FAR2: variants seen among roughly 807,000 people sequenced by gnomAD.
FAR2 encodes the protein fatty acyl-CoA reductase 2.
In FAR2, 19 loss-of-function variants were observed where a neutral mutation model predicts 56.0. The ratio of observed to expected loss-of-function variants is 0.34; its 90% CI spans 0.24 to 0.50. The LOEUF (loss-of-function observed/expected upper bound fraction) is 0.50. FAR2 is among the 20% of genes least tolerant of loss of function. FAR2 has a pLI of 0.98. For missense variants in FAR2, 508 were observed against 642.2 expected, an observed-to-expected ratio of 0.79 and a Z score of 2.26; for synonymous variants, 219 against 218.8, an observed-to-expected ratio of 1.00 and a Z score of -0.01.
chr12:29,224,455 C>T (rs975789496), intron 1 of FAR2, among the ~76,000 whole-genome samples: 1 of 152,182 alleles, frequency 6.6e-6, no homozygotes, highest in Non-Finnish European at 1.5e-5. Flanking sequence ...ACTTTAATTG[C>T]ATTTGATCAT....
chr12:29,296,864 A>G (rs570717257), intron 3 of FAR2, among the ~76,000 whole-genome samples, 157 bp from the exon 4 acceptor site: 1 of 152,340 alleles, frequency 6.6e-6, no homozygotes, highest in East Asian at 1.9e-4. Flanking sequence ...TCCGAGTATC[A>G]CATAACTGTG....
chr12:29,190,350 C>A (rs867283815), intron 1 of FAR2, among the ~76,000 whole-genome samples: 5 of 151,542 alleles, frequency 3.3e-5, no homozygotes, highest in African/African-American at 1.2e-4. Flanking sequence ...GCACTGAGTC[C>A]CAAGACAAGA....
At chr12:29,218,307 C>T (rs1304395444) in intron 1 of FAR2, among the ~76,000 whole-genome samples, 3 of 149,938 alleles carry the variant, frequency 2.0e-5, no homozygotes, top group African/African-American at 4.9e-5. Context: ...TGCAGTGAGC[C>T]GAGATCATGC....
At chr12:29,266,632 A>C (rs1434045650) in intron 1 of FAR2, among the ~76,000 whole-genome samples, 3 of 152,144 alleles carry the variant, frequency 2.0e-5, no homozygotes, top group African/African-American at 7.2e-5. Flanking sequence ...TTTTAAAAAT[A>C]ACTGAAAGAA....
chr12:29,151,057 C>T (rs1026628820), intron 1 of FAR2, among the ~76,000 whole-genome samples: 14 of 152,188 alleles, frequency 9.2e-5, no homozygotes, highest in Admixed American at 2.6e-4. Flanking sequence ...ATCATCTTGA[C>T]CATCTCACCA....
intron 9 of FAR2, among the ~76,000 whole-genome samples, chr12:29,318,619 G>GTA (rs1949495960): frequency 6.6e-6 from 1 of 152,164 alleles, no homozygotes; most frequent in Non-Finnish European, 1.5e-5. Context: ...GTGTGCTTGT[G>GTA]TATACTCTCC....
chr12:29,191,842 A>G (rs575825208), intron 1 of FAR2, among the ~76,000 whole-genome samples: 1 of 152,366 alleles, frequency 6.6e-6, no homozygotes. Context: ...GAATGAAGAA[A>G]GCTTGATTCC....
intron 1 of FAR2, among the ~76,000 whole-genome samples, chr12:29,168,330 C>T (rs960715236): frequency 1.3e-5 from 2 of 152,164 alleles, no homozygotes; most frequent in African/African-American, 4.8e-5. Flanking sequence ...TCAAATTACC[C>T]TGATGATATT....
intron 7 of FAR2, 46 bp from the exon 8 acceptor site, chr12:29,311,837 G>C: frequency 7.4e-7 from 1 of 1,344,548 alleles, no homozygotes; most frequent in Non-Finnish European, 1.0e-6. Flanking sequence ...TCTCTCATTA[G>C]TTTTCTATTT....
chr12:29,273,097 C>T (rs369981029), intron 2 of FAR2, among the ~76,000 whole-genome samples: 24 of 152,224 alleles, frequency 1.6e-4, no homozygotes, highest in African/African-American at 3.4e-4. Context: ...CTGACAACCC[C>T]TGTAGGAAGG....
At chr12:29,186,874 C>T (rs936649966) in intron 1 of FAR2, among the ~76,000 whole-genome samples, 4 of 151,952 alleles carry the variant, frequency 2.6e-5, no homozygotes, top group Admixed American at 6.6e-5. Context: ...CTGTAAGCTC[C>T]GCCTCCCGGG....
intron 1 of FAR2, among the ~76,000 whole-genome samples, chr12:29,243,935 C>T (rs548062208): frequency 6.6e-6 from 1 of 152,150 alleles, no homozygotes; most frequent in African/African-American, 2.4e-5. Context: ...CAGGTGGTGT[C>T]TCGTTCATCA....
intron 1 of FAR2, among the ~76,000 whole-genome samples, chr12:29,149,858 C>T (rs1255373101): frequency 1.3e-5 from 2 of 152,158 alleles, no homozygotes; most frequent in African/African-American, 2.4e-5. Context: ...ACGTGTGAAA[C>T]GGCAGCGGTC....
intron 2 of FAR2, chr12:29,280,990 C>A (rs1368283993): frequency 6.6e-6 from 1 of 152,248 alleles, no homozygotes; most frequent in Non-Finnish European, 1.5e-5. Flanking sequence ...CGCCAAATAT[C>A]TGCTTTCCTC....
In FAR2 at chr12:29,266,611, A is replaced by G. The variant is rs193124742; in HGVS notation, c.-38-3801A>G. Among the ~76,000 whole-genome samples, 295 of 152,204 alleles carry G rather than the reference A, an allele frequency of 1.9e-3. 1 individual carries two copies. Among genetic ancestry groups the G allele is most frequent in the Non-Finnish European group, 3.0e-3 (205 of 67,968 alleles). On this transcript the variant is annotated intron_variant, in intron 1 of 11. Transcript: ENST00000536681. Reference sequence around the variant, plus strand: ...AAACAGGGTGACTAAGTCAACAATAATTTATTGCAATTTTAAAAATAACTG... The same window carrying G: ...AAACAGGGTGACTAAGTCAACAATAGTTTATTGCAATTTTAAAAATAACTG...
At chr12:29,170,119 T>C (rs1403244294) in intron 1 of FAR2, among the ~76,000 whole-genome samples, 3 of 152,230 alleles carry the variant, frequency 2.0e-5, no homozygotes, top group African/African-American at 7.2e-5. Context: ...GTAAGTACTT[T>C]AAGGTTTGGC....
At chr12:29,215,533 A>G (rs1285637442) in intron 1 of FAR2, among the ~76,000 whole-genome samples, 1 of 152,142 alleles carries the variant, frequency 6.6e-6, no homozygotes, top group Non-Finnish European at 1.5e-5. Flanking sequence ...GAAAAATCCC[A>G]CTTTCTTGGA....
chr12:29,220,938 G>T (rs1947680626), intron 1 of FAR2, among the ~76,000 whole-genome samples: 1 of 152,140 alleles, frequency 6.6e-6, no homozygotes, highest in African/African-American at 2.4e-5. Context: ...GGGGTCTTGT[G>T]TCCCTTCTCC....
At chr12:29,236,476 C>T (rs546645029) in intron 1 of FAR2, among the ~76,000 whole-genome samples, 6 of 152,266 alleles carry the variant, frequency 3.9e-5, no homozygotes, top group Admixed American at 3.9e-4. Flanking sequence ...CATGGTTCCG[C>T]ATGGCTGGGG....
Sources: gnomAD v4.1 joint callset for allele counts (sites outside exome capture counted in the v4.1 genomes callset) on GRCh38, gnomAD v4.1.1 for gene constraint, MANE v1.5 for transcripts, NCBI Gene and HGNC (gene_info 2026-07-23, HGNC 2026-07-21) for gene names.